Variants in CRISP1 observed in about 807,000 individuals in gnomAD.
CRISP1 encodes the protein cysteine-rich secretory protein 1.
Under a neutral mutation model 33.1 loss-of-function variants are expected in CRISP1, and 44 were observed. The ratio of observed to expected loss-of-function variants is 1.33; its 90% CI spans 1.05 to 1.71. CRISP1 has a LOEUF of 1.71. CRISP1 is among the 40% of genes most tolerant of loss of function. The pLI, the probability that CRISP1 is intolerant of heterozygous loss-of-function variation, is 0.00. For synonymous variants in CRISP1, 103 were observed against 98.7 expected (o/e 1.04, Z -0.26); for missense variants, 390 against 301.2 (o/e 1.29, Z -2.18).
At chr6:49,869,563 C>T (rs554157423), upstream of CRISP1, among the ~76,000 whole-genome samples, 1 of 152,264 alleles carries the variant, frequency 6.6e-6, no homozygotes, top group African/African-American at 2.4e-5. Context: ...CCCCTAACCT[C>T]TTTTTAACTT....
At chr6:49,873,157 A>T (rs1460029827) in intron 1 of CRISP1, among the ~76,000 whole-genome samples, 1 of 151,944 alleles carries the variant, frequency 6.6e-6, no homozygotes, top group East Asian at 1.9e-4. Flanking sequence ...TGTACCCTAA[A>T]ACTTAAGTAT....
At chr6:49,835,719 T>A (rs1770767244) in intron 7 of CRISP1, among the ~76,000 whole-genome samples, 1 of 152,228 alleles carries the variant, frequency 6.6e-6, no homozygotes, top group African/African-American at 2.4e-5. Context: ...TATTTTTAAT[T>A]ACACTGTCAT....
intron 1 of CRISP1, chr6:49,876,905 A>G (rs9463546): frequency 0.076 from 11,597 of 152,058 alleles, 561 homozygotes; most frequent in South Asian, 0.18. Context: ...AGGGGGAGGG[A>G]GAGCATCAGG....
At chr6:49,842,944 T>G (rs1235632159) in intron 5 of CRISP1, among the ~76,000 whole-genome samples, 1 of 152,190 alleles carries the variant, frequency 6.6e-6, no homozygotes, top group African/African-American at 2.4e-5. Flanking sequence ...ATTGTCTTCA[T>G]TCCTGGAAAC....
At chr6:49,852,265 T>A in intron 2 of CRISP1, 136 bp from the exon 3 acceptor site, 6 of 745,126 alleles carry the variant, frequency 8.1e-6, no homozygotes, top group African/African-American at 1.8e-5. Flanking sequence ...ATTTATAATG[T>A]CTCATTATAT....
At chr6:49,860,460 A>G (rs1460436857) in intron 1 of CRISP1, among the ~76,000 whole-genome samples, 2 of 152,160 alleles carry the variant, frequency 1.3e-5, no homozygotes, top group Non-Finnish European at 2.9e-5. Context: ...AATCAATAAC[A>G]AGAGGAAATT....
At chr6:49,872,029 G>A (rs1240476215) in intron 1 of CRISP1, among the ~76,000 whole-genome samples, 5 of 152,176 alleles carry the variant, frequency 3.3e-5, no homozygotes, top group Admixed American at 6.5e-5. Context: ...GTGTAAAAGT[G>A]TTCTTATTTC....
At chr6:49,852,359 T>C (rs1194203137) in intron 2 of CRISP1, among the ~76,000 whole-genome samples, 4 of 152,182 alleles carry the variant, frequency 2.6e-5, no homozygotes, top group Admixed American at 2.6e-4. Flanking sequence ...AATGCACTTG[T>C]TATCCTGTTA....
intron 6 of CRISP1, among the ~76,000 whole-genome samples, chr6:49,839,168 C>T (rs1582255317): frequency 6.9e-6 from 1 of 143,922 alleles, no homozygotes; most frequent in Non-Finnish European, 1.5e-5. Context: ...GGCTCAATGA[C>T]TTATCCCTGT....
chr6:49,841,449 T>C (rs966541884), intron 5 of CRISP1, among the ~76,000 whole-genome samples: 1 of 152,160 alleles, frequency 6.6e-6, no homozygotes, highest in African/African-American at 2.4e-5. Flanking sequence ...GAGTGTTGCC[T>C]TTCTGTACAT....
Position 49,838,418 on chromosome 6 carries a change from AG to A in CRISP1, c.622+18del. The A allele has an allele frequency of 6.3e-7, 1 of 1,585,744 alleles. No homozygotes were observed. The highest frequency in any genetic ancestry group is 1.1e-5 in the South Asian group (1 of 88,906). On this transcript the variant is annotated intron_variant, in intron 7 of 7. Transcript: ENST00000335847. Reference sequence around the variant, plus strand: ...ATCAATGGGTTAACTGTAAACAAACAGAATGCAAACAAACTTACTGCAAAGT... The same window carrying A: ...ATCAATGGGTTAACTGTAAACAAACAAATGCAAACAAACTTACTGCAAAGT...
chr6:49,842,924 C>T (rs901565880), intron 5 of CRISP1, among the ~76,000 whole-genome samples: 3 of 152,150 alleles, frequency 2.0e-5, no homozygotes, highest in African/African-American at 7.2e-5. Context: ...AAGCGAATTT[C>T]TCTGATTTCA....
At chr6:49,860,674 T>G (rs1296924025) in intron 1 of CRISP1, among the ~76,000 whole-genome samples, 1 of 151,962 alleles carries the variant, frequency 6.6e-6, no homozygotes, top group African/African-American at 2.4e-5. Flanking sequence ...AAAAGAAAGA[T>G]TTTAAATAAA....
At chr6:49,858,713 C>T (rs1233094718) in intron 1 of CRISP1, among the ~76,000 whole-genome samples, 1 of 152,056 alleles carries the variant, frequency 6.6e-6, no homozygotes, top group Non-Finnish European at 1.5e-5. Context: ...GATGAAATGT[C>T]CCTTTCTCTT....
At chr6:49,845,707 CA>C (rs111269611) in intron 5 of CRISP1, among the ~76,000 whole-genome samples, 3 of 145,362 alleles carry the variant, frequency 2.1e-5, no homozygotes, top group Non-Finnish European at 4.5e-5. Flanking sequence ...TCACAATAGC[CA>C]AAAAAAAAAA....
chr6:49,856,711 TA>T (rs1771506703), intron 2 of CRISP1, among the ~76,000 whole-genome samples: 1 of 152,152 alleles, frequency 6.6e-6, no homozygotes, highest in South Asian at 2.1e-4. Flanking sequence ...TAAATTAAAA[TA>T]TATATTATTT....
intron 1 of CRISP1, among the ~76,000 whole-genome samples, chr6:49,862,777 G>A (rs369053890): frequency 6.3e-4 from 95 of 149,756 alleles, no homozygotes; most frequent in Non-Finnish European, 1.1e-3. Context: ...GGTAAAATGC[G>A]TACACTCAAA....
intron 1 of CRISP1, among the ~76,000 whole-genome samples, chr6:49,858,733 C>CA (rs1319852458): frequency 2.0e-5 from 3 of 151,772 alleles, no homozygotes; most frequent in Admixed American, 6.6e-5. Flanking sequence ...TTCTAATGCT[C>CA]AAAAAATCTA....
chr6:49,848,241 G>C lies in CRISP1; in HGVS notation c.254C>G (p.Thr85Arg), dbSNP rs1216021611. The change falls in exon 4 of 8, where the codon ACA becomes AGA. Residue 85 changes from threonine (T) to arginine (R), a missense_variant. By Grantham distance (71) the Thr-to-Arg change is moderately conservative. Coordinates refer to ENST00000335847, the MANE Select transcript of CRISP1 (RefSeq NM_001131.3). ...ARIFSKYCDM[T>R]ESNPLERRLP... Reference sequence around the variant, plus strand: ...TCTCCTCTCAAGGGGGTTGCTCTCTGTCATATCACAATACTTTGAAAAAAT... The same window carrying C: ...TCTCCTCTCAAGGGGGTTGCTCTCTCTCATATCACAATACTTTGAAAAAAT... 1.9e-6 allele frequency: 3 copies of C among 1,602,294 alleles called. No individual in the cohort carries two copies. The highest frequency in any genetic ancestry group is 2.3e-5 in the East Asian group (1 of 44,374).
Sources: allele counts gnomAD v4.1 joint callset (sites outside exome capture counted in the v4.1 genomes callset), GRCh38; gene constraint gnomAD v4.1.1; transcripts MANE v1.5; gene names NCBI Gene and HGNC (gene_info 2026-07-23, HGNC 2026-07-21).